The following LRRIQ1 variants were observed in gnomAD, a reference collection of about 807,000 sequenced individuals.
LRRIQ1 encodes the protein leucine-rich repeat- and IQ domain-containing protein 1.
LRRIQ1 carries 210 observed loss-of-function variants against 211.9 expected under a neutral mutation model. That is an observed-to-expected ratio of 0.99 (90% CI 0.89 to 1.11). The LOEUF (loss-of-function observed/expected upper bound fraction) is 1.11. LRRIQ1 is among the 50% of genes most tolerant of loss of function. The pLI is 0.00. For missense variants in LRRIQ1, 2,136 were observed against 1,939.5 expected (o/e 1.10, Z -1.90); for synonymous variants, 699 against 650.1 (o/e 1.08, Z -1.14).
exon 2 of LRRIQ1, chr12:85,263,009 A>C (rs1593037619): frequency 1.0e-6 from 1 of 987,824 alleles, no homozygotes; most frequent in African/African-American, 1.7e-5. Flanking sequence ...ATCCTGTACA[A>C]CTCAGTGGTG....
chr12:85,189,532 T>A (rs1892386709), intron 24 of LRRIQ1, among the ~76,000 whole-genome samples: 1 of 151,870 alleles, frequency 6.6e-6, no homozygotes, highest in Non-Finnish European at 1.5e-5. Context: ...AATAACAAAA[T>A]TACATCGATT....
chr12:85,262,191 T>A (rs2137341008), intron 1 of LRRIQ1, among the ~76,000 whole-genome samples: 1 of 152,300 alleles, frequency 6.6e-6, no homozygotes, highest in South Asian at 2.1e-4. Context: ...GTTTTTAACC[T>A]CTCAAAGTTT....
intron 26 of LRRIQ1, among the ~76,000 whole-genome samples, chr12:85,240,367 T>A (rs963214963): frequency 6.6e-6 from 1 of 152,178 alleles, no homozygotes; most frequent in African/African-American, 2.4e-5. Flanking sequence ...GTGAAAATGG[T>A]ACAGCCACTC....
intron 8 of LRRIQ1, among the ~76,000 whole-genome samples, chr12:85,059,769 C>A (rs1395617624): frequency 6.6e-6 from 1 of 151,768 alleles, no homozygotes; most frequent in Admixed American, 6.6e-5. Context: ...CAGCAAACCA[C>A]CATGGCACGT....
At chr12:85,077,527 G>A (rs1334692114) in intron 11 of LRRIQ1, among the ~76,000 whole-genome samples, 1 of 152,076 alleles carries the variant, frequency 6.6e-6, no homozygotes, top group East Asian at 1.9e-4. Context: ...AAGAAATATT[G>A]GATATTTTAT....
chr12:85,198,217 G>C (rs888861536), intron 24 of LRRIQ1, among the ~76,000 whole-genome samples: 4 of 135,920 alleles, frequency 2.9e-5, no homozygotes, highest in African/African-American at 5.5e-5. Context: ...ACTGTTGATG[G>C]GCATTTAGGT....
At chr12:85,124,897 G>A in intron 17 of LRRIQ1, 2 of 223,348 alleles carry the variant, frequency 9.0e-6, no homozygotes, top group Non-Finnish European at 1.8e-5. Flanking sequence ...TACCTTTGCA[G>A]GCTGGGCGCG....
At chr12:85,259,384 G>GT (rs1184259064) in intron 1 of LRRIQ1, among the ~76,000 whole-genome samples, 7 of 151,846 alleles carry the variant, frequency 4.6e-5, no homozygotes, top group African/African-American at 9.7e-5. Flanking sequence ...TTCTTTTTAT[G>GT]TTTTTTCATT....
chr12:85,264,431 T>C (rs1896380930), exon 2 of LRRIQ1: 1 of 152,048 alleles, frequency 6.6e-6, no homozygotes, highest in Middle Eastern at 3.2e-3. Flanking sequence ...ATGATTGATA[T>C]ATATGTCAAT....
chr12:85,066,787 A>T lies in LRRIQ1; in HGVS notation c.2584A>T (p.Asn862Tyr). 2 of 1,598,240 alleles carry T rather than the reference A, an allele frequency of 1.3e-6. No homozygotes were observed. The highest frequency in any genetic ancestry group is 2.3e-5 in the South Asian group (2 of 88,584). ...GGCTATTGAGTGTGAAAATTTGGAA[A>T]ATCTCTGTGTTGTTCTTCTTAATAA... ...IEAIECENLE[N>Y]LCVVLLNKNQ... is the part of the protein sequence containing the mutation. The change falls in exon 10 of 27, where the codon AAT (asparagine) becomes TAT (tyrosine). Residue 862 changes from asparagine (N) to tyrosine (Y), a missense_variant. By Grantham distance (143) the Asn-to-Tyr change is moderately radical. Coordinates refer to ENST00000393217, the MANE Select transcript of LRRIQ1 (RefSeq NM_001079910.2).
At chr12:85,159,350 T>C (rs1890733293) in intron 23 of LRRIQ1, among the ~76,000 whole-genome samples, 1 of 151,890 alleles carries the variant, frequency 6.6e-6, no homozygotes, top group African/African-American at 2.4e-5. Context: ...AGAATGTAAG[T>C]TTTTTTTCTA....
intron 24 of LRRIQ1, among the ~76,000 whole-genome samples, chr12:85,221,387 A>C (rs1239877237): frequency 6.6e-6 from 1 of 152,164 alleles, no homozygotes; most frequent in African/African-American, 2.4e-5. Context: ...TAAGGAGATT[A>C]TATTGTATTA....
rs1029903691 is a variant in LRRIQ1, at chr12:85,153,796, G to A, written c.4637+38G>A. 6 of 1,284,052 alleles carry A rather than the reference G, an allele frequency of 4.7e-6. No homozygotes were observed. In the African/African-American group the frequency reaches 9.2e-5, roughly 20 times the overall value. 79.5% of individuals were successfully genotyped at this position (1,284,052 alleles called of 1,614,324 possible). ...TTTGACACTAATAAATTAAAAAATT[G>A]AGAGATTGCTAAAAGTCCAAGACAG... On this transcript the variant is annotated intron_variant, in intron 22 of 26. Coordinates refer to ENST00000393217, the MANE Select transcript of LRRIQ1 (RefSeq NM_001079910.2).
At chr12:85,138,986 A>G (rs1331110629) in intron 19 of LRRIQ1, among the ~76,000 whole-genome samples, 1 of 151,048 alleles carries the variant, frequency 6.6e-6, no homozygotes, top group Non-Finnish European at 1.5e-5. Context: ...TGAGGAGTGA[A>G]CAAGGATATG....
intron 18 of LRRIQ1, among the ~76,000 whole-genome samples, chr12:85,134,759 A>T (rs1889006117): frequency 6.6e-6 from 1 of 152,054 alleles, no homozygotes; most frequent in African/African-American, 2.4e-5. Flanking sequence ...CTTTCTAAAC[A>T]TTTAGTTACA....
intron 24 of LRRIQ1, among the ~76,000 whole-genome samples, chr12:85,178,848 A>G (rs1891844109): frequency 6.6e-6 from 1 of 151,746 alleles, no homozygotes; most frequent in Non-Finnish European, 1.5e-5. Context: ...ACATTATATT[A>G]GGCTGTAGGG....
chr12:85,260,638 G>A (rs898643480), intron 1 of LRRIQ1, among the ~76,000 whole-genome samples: 2 of 152,080 alleles, frequency 1.3e-5, no homozygotes, highest in African/African-American at 4.8e-5. Flanking sequence ...GGTGGCCCCA[G>A]CATTCTCCCT....
intron 19 of LRRIQ1, among the ~76,000 whole-genome samples, chr12:85,139,468 A>G (rs1889365283): frequency 1.3e-5 from 2 of 151,488 alleles, no homozygotes; most frequent in Non-Finnish European, 3.0e-5. Flanking sequence ...TGCAAGAGGT[A>G]AATATAGTCT....
chr12:85,258,649 T>G (rs1430405710), intron 1 of LRRIQ1, among the ~76,000 whole-genome samples: 1 of 151,948 alleles, frequency 6.6e-6, no homozygotes, highest in Non-Finnish European at 1.5e-5. Context: ...ACGTAACTCA[T>G]TCACAGCACT....
Sources: allele counts gnomAD v4.1 joint callset (sites outside exome capture counted in the v4.1 genomes callset), GRCh38; gene constraint gnomAD v4.1.1; transcripts MANE v1.5; gene names NCBI Gene and HGNC (gene_info 2026-07-23, HGNC 2026-07-21).